The following RALYL variants were observed in gnomAD, a reference collection of about 807,000 sequenced individuals.
The protein encoded by RALYL is RNA-binding Raly-like protein.
In RALYL, 29 loss-of-function variants were observed where a neutral mutation model predicts 35.1. The ratio of observed to expected loss-of-function variants is 0.83; its 90% CI spans 0.61 to 1.13. The LOEUF (loss-of-function observed/expected upper bound fraction) is 1.13, where lower values mean the gene tolerates loss of function less well. RALYL is among the 50% of genes most tolerant of loss of function. The pLI is 0.00. For missense variants in RALYL, 359 were observed against 360.4 expected (o/e 1.00, Z 0.03); for synonymous variants, 120 against 127.6 (o/e 0.94, Z 0.40).
At chr8:84,598,511 C>T (rs1323671345) in intron 2 of RALYL, among the ~76,000 whole-genome samples, 7 of 152,136 alleles carry the variant, frequency 4.6e-5, no homozygotes, top group Non-Finnish European at 5.9e-5. Flanking sequence ...AAACTGCAAG[C>T]TCTGGATTTT....
intron 1 of RALYL, among the ~76,000 whole-genome samples, chr8:84,336,747 T>C (rs1216718374): frequency 6.6e-6 from 1 of 151,996 alleles, no homozygotes; most frequent in Non-Finnish European, 1.5e-5. Flanking sequence ...CAACAGTTTA[T>C]ACAGAGCCAC....
At chr8:84,235,536 G>A (rs191836696) in intron 1 of RALYL, among the ~76,000 whole-genome samples, 21 of 152,252 alleles carry the variant, frequency 1.4e-4, no homozygotes. Context: ...ACCTCAGAAT[G>A]TCCTGCAAGA....
chr8:84,443,745 C>T (rs954103843), intron 1 of RALYL, among the ~76,000 whole-genome samples: 1 of 152,044 alleles, frequency 6.6e-6, no homozygotes, highest in African/African-American at 2.4e-5. Flanking sequence ...TTGAATTTAT[C>T]TTGATGCACG....
intron 1 of RALYL, among the ~76,000 whole-genome samples, chr8:84,207,223 G>A (rs949228667): frequency 6.6e-6 from 1 of 151,978 alleles, no homozygotes; most frequent in Non-Finnish European, 1.5e-5. Flanking sequence ...CACATTCATT[G>A]CAGCATTATT....
At chr8:84,779,914 T>G (rs1224010088) in intron 3 of RALYL, among the ~76,000 whole-genome samples, 1 of 152,226 alleles carries the variant, frequency 6.6e-6, no homozygotes, top group Non-Finnish European at 1.5e-5. Flanking sequence ...GAAAGTAATG[T>G]AAGCTAATTT....
At chr8:84,676,348 A>G (rs1403183187) in intron 2 of RALYL, among the ~76,000 whole-genome samples, 1 of 152,198 alleles carries the variant, frequency 6.6e-6, no homozygotes, top group Non-Finnish European at 1.5e-5. Flanking sequence ...TACAGCAGAA[A>G]TAGGTCTTAG....
At chr8:84,380,889 C>T (rs928475520) in intron 1 of RALYL, among the ~76,000 whole-genome samples, 2 of 151,612 alleles carry the variant, frequency 1.3e-5, no homozygotes, top group Non-Finnish European at 1.5e-5. Context: ...GCAAGGGCTC[C>T]GTAACTGAGA....
intron 2 of RALYL, among the ~76,000 whole-genome samples, chr8:84,612,502 T>C (rs1232980393): frequency 6.6e-6 from 1 of 151,974 alleles, no homozygotes; most frequent in Admixed American, 6.6e-5. Context: ...CTTATAAAGC[T>C]TGAGAAAGTG....
intron 1 of RALYL, among the ~76,000 whole-genome samples, chr8:84,434,899 T>A (rs1372713923): frequency 1.3e-5 from 2 of 152,182 alleles, no homozygotes; most frequent in Non-Finnish European, 2.9e-5. Flanking sequence ...TAATATTGAT[T>A]TGGATTTGAA....
At chr8:84,336,839 C>T (rs987216020) in intron 1 of RALYL, among the ~76,000 whole-genome samples, 8 of 151,854 alleles carry the variant, frequency 5.3e-5, no homozygotes, top group East Asian at 3.9e-4. Flanking sequence ...GTCTATGATG[C>T]GCAATGTAGT....
chr8:84,401,464 C>A (rs2042885747), intron 1 of RALYL, among the ~76,000 whole-genome samples: 1 of 151,512 alleles, frequency 6.6e-6, no homozygotes, highest in South Asian at 2.1e-4. Context: ...CGGTGAAACC[C>A]CGTCTCTACT....
chr8:84,842,190 G>C (rs539664895), intron 4 of RALYL, among the ~76,000 whole-genome samples: 1,600 of 152,156 alleles, frequency 0.011, 19 homozygotes, highest in Non-Finnish European at 0.015. Flanking sequence ...CTGGTTTTTT[G>C]AAAAGATCAA....
chr8:84,685,058 A>G (rs933318376), intron 2 of RALYL, among the ~76,000 whole-genome samples: 3 of 152,118 alleles, frequency 2.0e-5, no homozygotes, highest in African/African-American at 7.2e-5. Flanking sequence ...GAAGGCACTA[A>G]TCCTATTATG....
chr8:84,821,775 A>G (rs995247976), intron 4 of RALYL, among the ~76,000 whole-genome samples: 5 of 152,216 alleles, frequency 3.3e-5, no homozygotes, highest in African/African-American at 7.2e-5. Context: ...GCTGCCAACT[A>G]TTAGCAAAAG....
At chr8:84,549,014 T>A (rs1219746973) in intron 2 of RALYL, among the ~76,000 whole-genome samples, 2 of 152,222 alleles carry the variant, frequency 1.3e-5, no homozygotes, top group Non-Finnish European at 2.9e-5. Flanking sequence ...AAGTTTTGGA[T>A]GCTGTTTCCA....
At chr8:84,774,691 T>C (rs984258361) in intron 3 of RALYL, 37 bp downstream of exon 3, 2 of 1,397,458 alleles carry the variant, frequency 1.4e-6, no homozygotes, top group African/African-American at 2.9e-5. Context: ...TATATATTAG[T>C]GAAATTTTCT....
intron 3 of RALYL, among the ~76,000 whole-genome samples, chr8:84,779,871 T>C (rs1817686221): frequency 1.3e-5 from 2 of 152,204 alleles, no homozygotes; most frequent in African/African-American, 2.4e-5. Flanking sequence ...TTGAATCACC[T>C]AAAATGTTCC....
intron 1 of RALYL, among the ~76,000 whole-genome samples, chr8:84,215,474 A>T (rs1820582928): frequency 6.6e-6 from 1 of 152,064 alleles, no homozygotes; most frequent in African/African-American, 2.4e-5. Flanking sequence ...TGTATTATGC[A>T]TTATATTTAT....
chr8:84,440,514 T>G (rs1300765512), intron 1 of RALYL, among the ~76,000 whole-genome samples: 1 of 152,080 alleles, frequency 6.6e-6, no homozygotes, highest in African/African-American at 2.4e-5. Context: ...CTCTTATAAT[T>G]AATCTGCTAT....
Sources: allele counts gnomAD v4.1 joint callset (sites outside exome capture counted in the v4.1 genomes callset), GRCh38; gene constraint gnomAD v4.1.1; transcripts MANE v1.5; gene names NCBI Gene and HGNC (gene_info 2026-07-23, HGNC 2026-07-21).